The following BNC2 variants were observed in gnomAD, a reference collection of about 807,000 sequenced individuals.
The protein encoded by BNC2 is basonuclin zinc finger protein 2, also known as zinc finger protein basonuclin-2.
In BNC2, 20 loss-of-function variants were observed where a neutral mutation model predicts 76.3. The observed-to-expected ratio is 0.26, with a 90% confidence interval of 0.18 to 0.38. BNC2 has a LOEUF of 0.38. Ranked by LOEUF, BNC2 falls within the 10% of genes least tolerant of loss-of-function variation. The probability of loss-of-function intolerance (pLI) is 1.00; values close to 1 mark genes in which losing one functional copy is unlikely to be tolerated. For synonymous variants in BNC2, 582 were observed against 514.8 expected, an observed-to-expected ratio of 1.13 and a Z score of -1.77; for missense variants, 1,382 against 1,399.8, an observed-to-expected ratio of 0.99 and a Z score of 0.20.
chr9:16,611,338 C>A (rs1234761695), intron 3 of BNC2, among the ~76,000 whole-genome samples: 13 of 152,088 alleles, frequency 8.5e-5, no homozygotes, highest in African/African-American at 3.1e-4. Flanking sequence ...TTCTAAAGGA[C>A]CAGATGGATT....
chr9:16,489,930 C>G (rs551297395), intron 5 of BNC2, among the ~76,000 whole-genome samples: 1 of 152,296 alleles, frequency 6.6e-6, no homozygotes, highest in South Asian at 2.1e-4. Flanking sequence ...AGAACTTGAT[C>G]AAGTTATTAA....
intron 3 of BNC2, among the ~76,000 whole-genome samples, chr9:16,712,620 C>A (rs1339385136): frequency 6.6e-6 from 1 of 152,212 alleles, no homozygotes; most frequent in African/African-American, 2.4e-5. Flanking sequence ...ACAACGGACA[C>A]ACACACTGCA....
chr9:16,469,761 A>C (rs1391058333), intron 5 of BNC2, among the ~76,000 whole-genome samples: 1 of 152,172 alleles, frequency 6.6e-6, no homozygotes, highest in African/African-American at 2.4e-5. Context: ...TGCTGATAGC[A>C]ATATGGACAA....
At chr9:16,515,300 C>A (rs1221635856) in intron 5 of BNC2, among the ~76,000 whole-genome samples, 1 of 152,200 alleles carries the variant, frequency 6.6e-6, no homozygotes, top group African/African-American at 2.4e-5. Context: ...CATCCCTGCG[C>A]CCGGTGAGAA....
In BNC2 at chr9:16,417,760, T is replaced by C. The variant is rs1200158790; in HGVS notation, c.*1229A>G. On this transcript the variant is annotated 3_prime_UTR_variant, in exon 7 of 7. Coordinates refer to ENST00000380672, the MANE Select transcript of BNC2 (RefSeq NM_017637.6). ...TTTGGGCTTTTGTATCCTGAAATAT[T>C]ATCCTGCCTCTGAAGAATAAATGCC... 1.3e-5 allele frequency: 2 copies of C among 152,696 alleles called. No individual in the cohort carries two copies. The highest frequency in any genetic ancestry group is 3.8e-4 in the East Asian group (2 of 5,200). 9.5% of individuals were successfully genotyped at this position (152,696 alleles called of 1,614,324 possible).
chr9:16,530,131 G>A (rs1817931027), intron 5 of BNC2, among the ~76,000 whole-genome samples: 2 of 151,380 alleles, frequency 1.3e-5, no homozygotes, highest in Admixed American at 6.6e-5. Context: ...ATGAGCCACC[G>A]CACCTGGCCA....
intron 1 of BNC2, among the ~76,000 whole-genome samples, chr9:16,825,747 T>C (rs1818438780): frequency 6.6e-6 from 1 of 152,176 alleles, no homozygotes; most frequent in African/African-American, 2.4e-5. Flanking sequence ...TTCACAAAAA[T>C]GTTCATTAAC....
chr9:16,732,050 T>A (rs1824519676), intron 2 of BNC2, among the ~76,000 whole-genome samples: 2 of 152,060 alleles, frequency 1.3e-5, no homozygotes, highest in South Asian at 2.1e-4. Flanking sequence ...GTGTGTTCTT[T>A]CTTGTTAGCT....
chr9:16,785,001 G>A (rs770953455), intron 1 of BNC2, among the ~76,000 whole-genome samples: 1 of 152,172 alleles, frequency 6.6e-6, no homozygotes, highest in Non-Finnish European at 1.5e-5. Flanking sequence ...TACAGAGGCT[G>A]ATTAATACAG....
intron 1 of BNC2, among the ~76,000 whole-genome samples, chr9:16,861,014 A>G (rs1247291685): frequency 1.4e-5 from 2 of 144,412 alleles, no homozygotes; most frequent in Non-Finnish European, 3.0e-5. Context: ...CCACTGCCTG[A>G]GCGCCAGAGC....
At chr9:16,541,780 T>C (rs1818328182) in intron 5 of BNC2, among the ~76,000 whole-genome samples, 1 of 152,180 alleles carries the variant, frequency 6.6e-6, no homozygotes, top group African/African-American at 2.4e-5. Context: ...GGATACTCTA[T>C]TGTCAGTTTC....
chr9:16,587,316 C>T (rs370893287), intron 3 of BNC2, among the ~76,000 whole-genome samples: 2 of 151,528 alleles, frequency 1.3e-5, no homozygotes, highest in African/African-American at 4.9e-5. Context: ...CAGGTTCAAG[C>T]AATCCTCCCA....
intron 5 of BNC2, among the ~76,000 whole-genome samples, chr9:16,462,584 G>A (rs921841673): frequency 2.0e-5 from 3 of 152,148 alleles, no homozygotes; most frequent in African/African-American, 7.2e-5. Flanking sequence ...CCACATAATG[G>A]AAAGTGGCAA....
chr9:16,616,779 G>T (rs1300752799), intron 3 of BNC2, among the ~76,000 whole-genome samples: 2 of 146,432 alleles, frequency 1.4e-5, no homozygotes, highest in East Asian at 4.1e-4. Context: ...GGGAGGGGAG[G>T]GGAGGAAGGA....
intron 3 of BNC2, among the ~76,000 whole-genome samples, chr9:16,677,495 C>T (rs560970968): frequency 2.7e-4 from 41 of 151,766 alleles, no homozygotes; most frequent in African/African-American, 9.7e-4. Context: ...ATTGCTTGGA[C>T]CTCGGAGGTG....
At chr9:16,478,063 TCA>T (rs779404144) in intron 5 of BNC2, among the ~76,000 whole-genome samples, 7 of 152,230 alleles carry the variant, frequency 4.6e-5, no homozygotes, top group Non-Finnish European at 1.0e-4. Flanking sequence ...ATCTGGCTCA[TCA>T]CAGTCTGAGG....
chr9:16,645,739 TA>T (rs1821605792), intron 3 of BNC2, among the ~76,000 whole-genome samples: 1 of 152,206 alleles, frequency 6.6e-6, no homozygotes, highest in African/African-American at 2.4e-5. Flanking sequence ...TTAATGTACA[TA>T]AATTCTTAGC....
At chr9:16,540,536 A>AT (rs1272874542) in intron 5 of BNC2, among the ~76,000 whole-genome samples, 1 of 152,140 alleles carries the variant, frequency 6.6e-6, no homozygotes, top group Non-Finnish European at 1.5e-5. Flanking sequence ...CCTTAAAATA[A>AT]TTTTTGTGGA....
intron 5 of BNC2, among the ~76,000 whole-genome samples, chr9:16,525,077 G>C (rs1372990447): frequency 2.6e-5 from 2 of 77,128 alleles, no homozygotes; most frequent in Non-Finnish European, 6.6e-5. Flanking sequence ...GAGTGGGGGA[G>C]GGGGGGGGAA....
Sources: gnomAD v4.1 joint callset for allele counts (sites outside exome capture counted in the v4.1 genomes callset) on GRCh38, gnomAD v4.1.1 for gene constraint, MANE v1.5 for transcripts, NCBI Gene and HGNC (gene_info 2026-07-23, HGNC 2026-07-21) for gene names.